The following FOXP2 variants were observed in gnomAD, a reference collection of about 807,000 sequenced individuals.
The protein encoded by FOXP2 is forkhead box protein P2.
In FOXP2, 12 loss-of-function variants were observed where a neutral mutation model predicts 115.8. The ratio of observed to expected loss-of-function variants is 0.10; its 90% confidence interval spans 0.07 to 0.17. The LOEUF (loss-of-function observed/expected upper bound fraction) is 0.17, where lower values mean the gene tolerates loss of function less well. Among genes scored for constraint, FOXP2 ranks in the 10% least tolerant of loss-of-function variants. The pLI, the probability that FOXP2 is intolerant of heterozygous loss-of-function variation, is 1.00. For missense variants in FOXP2, 629 were observed against 843.5 expected, an observed-to-expected ratio of 0.75 and a Z score of 3.15; for synonymous variants, 328 against 297.7, an observed-to-expected ratio of 1.10 and a Z score of -1.05.
At chr7:114,676,364 T>G (rs1313917018) in intron 16 of FOXP2, among the ~76,000 whole-genome samples, 1 of 152,164 alleles carries the variant, frequency 6.6e-6, no homozygotes, top group Non-Finnish European at 1.5e-5. Flanking sequence ...GGGTAATAGA[T>G]GCATAGTTCA....
chr7:114,247,479 T>A (rs539719923), intron 1 of FOXP2, among the ~76,000 whole-genome samples: 1 of 152,314 alleles, frequency 6.6e-6, no homozygotes, highest in South Asian at 2.1e-4. Flanking sequence ...CCTTTAGAAT[T>A]TTTATATCCC....
chr7:114,480,344 A>C (rs1251454266), intron 2 of FOXP2, among the ~76,000 whole-genome samples: 1 of 151,696 alleles, frequency 6.6e-6, no homozygotes, highest in East Asian at 1.9e-4. Flanking sequence ...GTAAAAAACA[A>C]AAACAAAATC....
At chr7:114,511,533 A>G (rs1294085599) in intron 2 of FOXP2, among the ~76,000 whole-genome samples, 1 of 152,192 alleles carries the variant, frequency 6.6e-6, no homozygotes, top group Non-Finnish European at 1.5e-5. Context: ...GCCAAAGACT[A>G]GCCAGATTTT....
chr7:114,108,559 G>A (rs563647512), intron 1 of FOXP2, among the ~76,000 whole-genome samples: 81 of 151,862 alleles, frequency 5.3e-4, no homozygotes, highest in African/African-American at 1.9e-3. Flanking sequence ...TTAGAATTAA[G>A]GTGTTTGGGA....
chr7:114,291,652 T>C (rs966307596), intron 2 of FOXP2, among the ~76,000 whole-genome samples: 5 of 151,278 alleles, frequency 3.3e-5, no homozygotes, highest in Admixed American at 2.0e-4. Flanking sequence ...TCTTCCAAAC[T>C]CACGGGTTTT....
chr7:114,236,551 G>C (rs1423589591), intron 1 of FOXP2, among the ~76,000 whole-genome samples: 4 of 152,098 alleles, frequency 2.6e-5, no homozygotes, highest in African/African-American at 9.7e-5. Flanking sequence ...TCCTTCCACA[G>C]GTATTTATTA....
chr7:114,419,677 A>T (rs1793524046), intron 1 of FOXP2, among the ~76,000 whole-genome samples: 1 of 151,380 alleles, frequency 6.6e-6, no homozygotes, highest in African/African-American at 2.4e-5. Flanking sequence ...CTATGCCGTC[A>T]AAAAACCTCT....
At chr7:114,333,925 C>G (rs538646330) in intron 2 of FOXP2, among the ~76,000 whole-genome samples, 1 of 150,964 alleles carries the variant, frequency 6.6e-6, no homozygotes, top group Non-Finnish European at 1.5e-5. Flanking sequence ...ATACTTGGTG[C>G]GGAAAAAAGT....
chr7:114,654,279 G>T, intron 10 of FOXP2: 4 of 712,524 alleles, frequency 5.6e-6, no homozygotes, highest in South Asian at 1.9e-5. Flanking sequence ...AAGCCAGAGA[G>T]AATTTCTTTC....
chr7:114,556,687 A>T lies in FOXP2; in HGVS notation c.258+21981A>T, dbSNP rs144262577. 2.3e-4 allele frequency among the ~76,000 whole-genome samples: 35 copies of T among 152,376 alleles called. 1 individual carries two copies. The East Asian group carries it at 6.0e-3, about 26-fold the overall frequency. On this transcript the variant is annotated intron_variant, in intron 3 of 16. Transcript: ENST00000350908. The stretch of plus-strand genomic sequence containing the variant: ...GGGTTTGCCTCATCCACAAACTCTG[A>T]GGACATCCATGGTCAGTTCTTCTAT...
chr7:114,385,965 G>A (rs1473351487), intron 2 of FOXP2, among the ~76,000 whole-genome samples: 1 of 152,214 alleles, frequency 6.6e-6, no homozygotes, highest in African/African-American at 2.4e-5. Flanking sequence ...GAAGCCGTGG[G>A]TCACGGAAGA....
At chr7:114,332,323 T>C (rs899312609) in intron 2 of FOXP2, among the ~76,000 whole-genome samples, 7 of 152,178 alleles carry the variant, frequency 4.6e-5, no homozygotes, top group African/African-American at 1.7e-4. Context: ...AATTCAGTTG[T>C]TTTCTTCCTT....
At chr7:114,346,415 A>C (rs1423546898) in intron 2 of FOXP2, among the ~76,000 whole-genome samples, 1 of 151,836 alleles carries the variant, frequency 6.6e-6, no homozygotes, top group Non-Finnish European at 1.5e-5. Context: ...CATTTAGAAT[A>C]ATCCTATTAC....
chr7:114,390,043 A>AAAAAAAAAG, intron 2 of FOXP2, among the ~76,000 whole-genome samples: 1 of 144,062 alleles, frequency 6.9e-6, no homozygotes, highest in Non-Finnish European at 1.5e-5. Context: ...AAAAAAAAAA[A>AAAAAAAAAG]GCATAACAAG....
At chr7:114,161,677 A>C (rs982251874), upstream of FOXP2, among the ~76,000 whole-genome samples, 1 of 151,084 alleles carries the variant, frequency 6.6e-6, no homozygotes, top group Non-Finnish European at 1.5e-5. Context: ...TTTGCTTTAA[A>C]TGTTCCCCCT....
intron 1 of FOXP2, among the ~76,000 whole-genome samples, chr7:114,182,248 AT>A (rs1338173371): frequency 6.6e-6 from 1 of 151,930 alleles, no homozygotes; most frequent in East Asian, 1.9e-4. Flanking sequence ...AATGTAACTG[AT>A]TTTTTTAATG....
At chr7:114,293,227 A>G (rs1796653088) in intron 2 of FOXP2, among the ~76,000 whole-genome samples, 2 of 152,154 alleles carry the variant, frequency 1.3e-5, no homozygotes, top group Admixed American at 6.6e-5. Context: ...TAGGTTATGC[A>G]TGATATTAAG....
intron 1 of FOXP2, among the ~76,000 whole-genome samples, chr7:114,269,852 A>G (rs1400384283): frequency 6.6e-6 from 1 of 152,164 alleles, no homozygotes; most frequent in Admixed American, 6.6e-5. Context: ...TTTTATCACT[A>G]GAGCTCTATG....
intron 2 of FOXP2, among the ~76,000 whole-genome samples, chr7:114,327,209 G>A (rs1273897742): frequency 1.3e-5 from 2 of 152,150 alleles, no homozygotes; most frequent in African/African-American, 2.4e-5. Flanking sequence ...AACTGACTGT[G>A]TACTTTCTTC....
Sources: allele counts gnomAD v4.1 joint callset (sites outside exome capture counted in the v4.1 genomes callset), GRCh38; gene constraint gnomAD v4.1.1; transcripts MANE v1.5; gene names NCBI Gene and HGNC (gene_info 2026-07-23, HGNC 2026-07-21).